ZFAND2A: variants seen among roughly 807,000 people sequenced by gnomAD.
ZFAND2A encodes AN1-type zinc finger protein 2A.
Under a neutral mutation model 11.6 loss-of-function variants are expected in ZFAND2A, and 20 were observed. The ratio of observed to expected loss-of-function variants is 1.72; its 90% CI spans 1.21 to 2.50. The LOEUF (loss-of-function observed/expected upper bound fraction) is 2.50, where lower values mean the gene tolerates loss of function less well. ZFAND2A is among the 30% of genes most tolerant of loss of function. The pLI, the probability that ZFAND2A is intolerant of heterozygous loss-of-function variation, is 0.00. For missense variants in ZFAND2A, 234 were observed against 182.9 expected, an observed-to-expected ratio of 1.28 and a Z score of -1.61; for synonymous variants, 93 against 60.6, an observed-to-expected ratio of 1.54 and a Z score of -2.48.
At chr7:1,149,813 A>G (rs117104684), downstream of ZFAND2A, among the ~76,000 whole-genome samples, 793 of 150,782 alleles carry the variant, frequency 5.3e-3, 9 homozygotes, top group African/African-American at 0.018. Context: ...ATTCCATCCC[A>G]GTGTTCTGTG....
chr7:1,150,237 T>C (rs910383596), downstream of ZFAND2A, among the ~76,000 whole-genome samples: 2 of 152,100 alleles, frequency 1.3e-5, no homozygotes, highest in Admixed American at 6.6e-5. Context: ...GAAACATCGT[T>C]CCCCTGACTG....
At chr7:1,149,047 A>G (rs1414919011), downstream of ZFAND2A, among the ~76,000 whole-genome samples, 1 of 151,774 alleles carries the variant, frequency 6.6e-6, no homozygotes, top group African/African-American at 2.4e-5. Flanking sequence ...ATCCGCCCAC[A>G]TCAGCCTCCC....
rs1236272439 is a variant in ZFAND2A, at chr7:1,152,923, A to G, written c.*146T>C. 1.7e-6 allele frequency: 2 copies of G among 1,184,866 alleles called. No individual in the cohort carries two copies. Among genetic ancestry groups the G allele is most frequent in the Admixed American group, 2.0e-5 (1 of 50,398 alleles). 73.4% of individuals were successfully genotyped at this position (1,184,866 alleles called of 1,614,324 possible). ...CAACTAGAATCAACTTCAGCATTCA[A>G]TTTTATTATAGTCCCATCTCCCTCA... On this transcript the variant is annotated 3_prime_UTR_variant, in exon 5 of 5. Transcript: ENST00000316495.
At chr7:1,155,052 A>C (rs990366859) in intron 4 of ZFAND2A, among the ~76,000 whole-genome samples, 3 of 152,192 alleles carry the variant, frequency 2.0e-5, no homozygotes, top group African/African-American at 7.2e-5. Flanking sequence ...CGGGAGGCAG[A>C]GGTTGCAATG....
Position 1,153,048 on chromosome 7 carries a change from C to A in ZFAND2A, c.*21G>T. 4.3e-6 allele frequency: 7 copies of A among 1,614,038 alleles called. No individual in the cohort carries two copies. The highest frequency in any genetic ancestry group is 5.9e-6 in the Non-Finnish European group (7 of 1,179,944). The stretch of plus-strand genomic sequence containing the variant: ...CACGCATGCTACTGCGTGCTCCGAG[C>A]CATCGCAGCGGAGTCTCTTCTCACC... On this transcript the variant is annotated 3_prime_UTR_variant, in exon 5 of 5. Transcript: ENST00000316495.
chr7:1,158,756 G>C (rs999206694), intron 1 of ZFAND2A, among the ~76,000 whole-genome samples: 1 of 152,216 alleles, frequency 6.6e-6, no homozygotes, highest in Non-Finnish European at 1.5e-5. Flanking sequence ...ACCTGGAGTT[G>C]ATCAGGGAGA....
At chr7:1,159,464 G>C (rs1426482325) in intron 1 of ZFAND2A, among the ~76,000 whole-genome samples, 1 of 149,788 alleles carries the variant, frequency 6.7e-6, no homozygotes. Context: ...ACTCCCAGCA[G>C]ACAGGCCGGA....
At chr7:1,150,166 G>A (rs952533736), downstream of ZFAND2A, among the ~76,000 whole-genome samples, 1 of 151,378 alleles carries the variant, frequency 6.6e-6, no homozygotes, top group Admixed American at 6.6e-5. Context: ...AAAAAAAAAA[G>A]ATATAGTGAA....
At chr7:1,150,824 T>C (rs933700623), downstream of ZFAND2A, among the ~76,000 whole-genome samples, 1 of 151,844 alleles carries the variant, frequency 6.6e-6, no homozygotes, top group East Asian at 1.9e-4. Flanking sequence ...ACTTTCTTGT[T>C]GGTGCTGAAA....
Position 1,159,945 on chromosome 7 carries a change from C to A in ZFAND2A, c.-46+19G>T. On this transcript the variant is annotated intron_variant, in intron 1 of 4. Coordinates refer to ENST00000316495, the MANE Select transcript of ZFAND2A (RefSeq NM_182491.4). ...CCCGACCCCCGGCAGACCCTGTCTGCGCAATCCCGGCCCCGTACCTGGCTC... is the reference window on the plus strand; with the variant it reads ...CCCGACCCCCGGCAGACCCTGTCTGAGCAATCCCGGCCCCGTACCTGGCTC... 6.1e-6 allele frequency: 1 copy of A among 162,866 alleles called. No individual in the cohort carries two copies. The highest frequency in any genetic ancestry group is 1.4e-5 in the Non-Finnish European group (1 of 73,534). The allele number at this position is 162,866 out of a possible 1,614,324, so 10.1% of individuals were successfully genotyped here. A position where few individuals can be genotyped will look rare whatever the true frequency, so the allele number is the denominator to read the frequency against.
chr7:1,149,858 T>G (rs1021230031), downstream of ZFAND2A, among the ~76,000 whole-genome samples: 6 of 151,222 alleles, frequency 4.0e-5, no homozygotes, highest in African/African-American at 1.2e-4. Context: ...CTTAAGTTTT[T>G]TTTTTTTTTT....
At chr7:1,159,714 A>G (rs1343591120) in intron 1 of ZFAND2A, among the ~76,000 whole-genome samples, 1 of 63,710 alleles carries the variant, frequency 1.6e-5, no homozygotes, top group African/African-American at 5.9e-5. Context: ...TCCCCAGCAG[A>G]CAGCCGGACC....
At chr7:1,156,957 T>C (rs1364872844) in intron 3 of ZFAND2A, 1 of 152,058 alleles carries the variant, frequency 6.6e-6, no homozygotes, top group African/African-American at 2.4e-5. Context: ...TAAAAATGGC[T>C]GGAGGGTCAG....
downstream of ZFAND2A, among the ~76,000 whole-genome samples, chr7:1,149,143 C>G (rs1793352245): frequency 6.6e-6 from 1 of 152,100 alleles, no homozygotes; most frequent in African/African-American, 2.4e-5. Flanking sequence ...CTTTGTTTCT[C>G]AAGACTTTAA....
At chr7:1,159,112 G>A (rs1388360329) in intron 1 of ZFAND2A, among the ~76,000 whole-genome samples, 2 of 151,996 alleles carry the variant, frequency 1.3e-5, no homozygotes, top group East Asian at 1.9e-4. Flanking sequence ...TTACACGCCC[G>A]CTACTTAAGG....
chr7:1,155,770 C>T, intron 3 of ZFAND2A, 186 bp from the exon 4 acceptor site: 1 of 635,808 alleles, frequency 1.6e-6, no homozygotes, highest in Admixed American at 3.4e-5. Context: ...AGAATGTGGG[C>T]ATCAGCTGCC....
downstream of ZFAND2A, chr7:1,151,963 G>C: frequency 3.2e-6 from 1 of 309,198 alleles, no homozygotes; most frequent in Non-Finnish European, 5.9e-6. Flanking sequence ...CTCTTTTCAG[G>C]TTTGTCTTGA....
chr7:1,154,474 G>A (rs1478858459), intron 4 of ZFAND2A, among the ~76,000 whole-genome samples: 2 of 152,172 alleles, frequency 1.3e-5, no homozygotes, highest in African/African-American at 4.8e-5. Flanking sequence ...AGTGCTGGGT[G>A]AGCCCCCAGC....
intron 3 of ZFAND2A, chr7:1,157,438 C>T: frequency 2.3e-6 from 1 of 431,750 alleles, no homozygotes; most frequent in Admixed American, 4.4e-5. Context: ...TCTCAGTTGT[C>T]TGAGAGTCAT....
Sources: gnomAD v4.1 joint callset for allele counts (sites outside exome capture counted in the v4.1 genomes callset) on GRCh38, gnomAD v4.1.1 for gene constraint, MANE v1.5 for transcripts, NCBI Gene and HGNC (gene_info 2026-07-23, HGNC 2026-07-21) for gene names.